Variants in IMPA2 observed in about 807,000 individuals in gnomAD.
IMPA2 encodes the protein IMP 2.
In IMPA2, 32 loss-of-function variants were observed where a neutral mutation model predicts 35.1. The observed-to-expected ratio is 0.91, with a 90% confidence interval of 0.69 to 1.23. IMPA2 has a LOEUF of 1.23. Ranked by LOEUF, IMPA2 falls within the 50% of genes most tolerant of loss-of-function variation. IMPA2 has a pLI of 0.00. For synonymous variants in IMPA2, 135 were observed against 160.6 expected, an observed-to-expected ratio of 0.84 and a Z score of 1.20; for missense variants, 334 against 387.6, an observed-to-expected ratio of 0.86 and a Z score of 1.16.
intron 2 of IMPA2, among the ~76,000 whole-genome samples, chr18:12,002,195 T>A (rs1376862853): frequency 6.6e-6 from 1 of 152,212 alleles, no homozygotes. Context: ...GACATTGTGA[T>A]TTTTTTCTGC....
chr18:11,989,212 G>A (rs938935795), intron 1 of IMPA2, among the ~76,000 whole-genome samples: 6 of 152,162 alleles, frequency 3.9e-5, no homozygotes, highest in Non-Finnish European at 1.5e-5. Flanking sequence ...CCTCACAAAT[G>A]CCAGTTTGTG....
At chr18:12,008,149 C>T (rs996034941) in intron 2 of IMPA2, among the ~76,000 whole-genome samples, 1 of 152,122 alleles carries the variant, frequency 6.6e-6, no homozygotes, top group East Asian at 1.9e-4. Flanking sequence ...GCGCCCACCA[C>T]CACGCCCAGC....
At chr18:12,003,679 A>G (rs990599962) in intron 2 of IMPA2, among the ~76,000 whole-genome samples, 1 of 151,418 alleles carries the variant, frequency 6.6e-6, no homozygotes, top group African/African-American at 2.4e-5. Flanking sequence ...AGGAAAAAAA[A>G]AAAAAAAGGC....
chr18:11,994,066 A>C (rs1906888948), intron 1 of IMPA2: 1 of 152,228 alleles, frequency 6.6e-6, no homozygotes, highest in Admixed American at 6.5e-5. Context: ...AAAGCAGAAA[A>C]CAGTTAATAT....
At chr18:12,016,165 T>A (rs554729803) in intron 5 of IMPA2, among the ~76,000 whole-genome samples, 1 of 152,324 alleles carries the variant, frequency 6.6e-6, no homozygotes, top group East Asian at 1.9e-4. Flanking sequence ...CTCTCATTTG[T>A]CTGGTATTCT....
chr18:12,028,581 A>G (rs613993), intron 6 of IMPA2: 195,951 of 508,764 alleles, frequency 0.39, 41,796 homozygotes, highest in East Asian at 0.74. Flanking sequence ...GGAGGATTCA[A>G]TTCTCTGGTT....
chr18:12,027,097 C>T (rs1193289496), intron 5 of IMPA2, among the ~76,000 whole-genome samples: 1 of 152,158 alleles, frequency 6.6e-6, no homozygotes, highest in Non-Finnish European at 1.5e-5. Context: ...GATTTGTTTC[C>T]CCCGACTTTG....
At chr18:12,026,138 G>A (rs768270458) in intron 5 of IMPA2, among the ~76,000 whole-genome samples, 3 of 150,734 alleles carry the variant, frequency 2.0e-5, no homozygotes, top group East Asian at 2.0e-4. Context: ...GGGTTCAAGC[G>A]ATTCTCCTGC....
intron 1 of IMPA2, among the ~76,000 whole-genome samples, chr18:11,994,545 C>G (rs1455386597): frequency 6.6e-6 from 1 of 152,232 alleles, no homozygotes; most frequent in Non-Finnish European, 1.5e-5. Flanking sequence ...TCCACACACA[C>G]AGCTGTGTAT....
At position 11,989,268 on chromosome 18, in the gene IMPA2, G is replaced by T. The variant is rs146544894; in HGVS notation, c.96+7503G>T. On this transcript the variant is annotated intron_variant, in intron 1 of 7. Transcript: ENST00000269159. Reference sequence around the variant, plus strand: ...TCATTTCTCCAGAAAAGGCTTCCCTGCTCTTCCTGCCTGGGCTGAGCGCAC... The same window carrying T: ...TCATTTCTCCAGAAAAGGCTTCCCTTCTCTTCCTGCCTGGGCTGAGCGCAC... 2.7e-3 allele frequency among the ~76,000 whole-genome samples: 418 copies of T among 152,218 alleles called. 1 individual carries two copies. Among genetic ancestry groups the T allele is most frequent in the African/African-American group, 9.8e-3 (407 of 41,540 alleles).
At position 12,027,640 on chromosome 18, in the gene IMPA2, A is replaced by G. The variant is rs577531115; in HGVS notation, c.491-403A>G. 2.3e-4 allele frequency among the ~76,000 whole-genome samples: 34 copies of G among 145,786 alleles called. No individual in the cohort carries two copies. In the East Asian group the frequency reaches 6.3e-3, roughly 27 times the overall value. ...CTCCAGGCTGGAATGTGGTGGCGCAATCATGGCTGACAGCAGCCTTGAACC... is the reference window on the plus strand; with the variant it reads ...CTCCAGGCTGGAATGTGGTGGCGCAGTCATGGCTGACAGCAGCCTTGAACC... On this transcript the variant is annotated intron_variant, in intron 5 of 7. Transcript: ENST00000269159.
At chr18:12,013,468 G>A (rs909562746) in intron 4 of IMPA2, among the ~76,000 whole-genome samples, 1 of 152,186 alleles carries the variant, frequency 6.6e-6, no homozygotes, top group Non-Finnish European at 1.5e-5. Flanking sequence ...ACTCTAGGGT[G>A]TTTGTGCTCA....
intron 1 of IMPA2, among the ~76,000 whole-genome samples, chr18:11,987,755 TAGG>T (rs2143775221): frequency 6.6e-6 from 1 of 151,842 alleles, no homozygotes; most frequent in Non-Finnish European, 1.5e-5. Flanking sequence ...TTATTAATAG[TAGG>T]AGTAGAATCG....
intron 1 of IMPA2, chr18:11,994,191 T>G (rs577196921): frequency 6.6e-6 from 1 of 152,090 alleles, no homozygotes; most frequent in South Asian, 2.1e-4. Context: ...CTTGGCAATA[T>G]TGTGAGACCT....
chr18:11,993,197 A>C (rs1046383502), intron 1 of IMPA2, among the ~76,000 whole-genome samples: 1 of 152,220 alleles, frequency 6.6e-6, no homozygotes, highest in African/African-American at 2.4e-5. Context: ...CAGAAGAGGA[A>C]ATGAAGGCCA....
intron 1 of IMPA2, among the ~76,000 whole-genome samples, chr18:11,984,359 G>A (rs1385376051): frequency 2.0e-5 from 3 of 152,242 alleles, no homozygotes; most frequent in Non-Finnish European, 4.4e-5. Flanking sequence ...GGCTTTTGGG[G>A]AGGGAGTGAC....
Position 11,991,894 on chromosome 18 carries a change from A to G in IMPA2, c.97-7160A>G, listed in dbSNP as rs1328167239. Reference sequence around the variant, plus strand: ...AGCCTTGCTCTGTCTCCCAGGATGGAGTGCAGTGGCGTAATCTTGGCTCAC... The same window carrying G: ...AGCCTTGCTCTGTCTCCCAGGATGGGGTGCAGTGGCGTAATCTTGGCTCAC... On this transcript the variant is annotated intron_variant, in intron 1 of 7. Coordinates refer to ENST00000269159, the MANE Select transcript of IMPA2 (RefSeq NM_014214.3). The surrounding 1 kb of genome is among the most constrained non-coding windows in gnomAD (Gnocchi z 4.1). Among the ~76,000 whole-genome samples, 1 of 148,960 alleles carries G rather than the reference A, an allele frequency of 6.7e-6. No homozygotes were observed. Among genetic ancestry groups the G allele is most frequent in the East Asian group, 2.0e-4 (1 of 5,020 alleles).
At position 11,991,133 on chromosome 18, in the gene IMPA2, G is replaced by A. The variant is rs635013; in HGVS notation, c.97-7921G>A. On this transcript the variant is annotated intron_variant, in intron 1 of 7. Coordinates refer to ENST00000269159, the MANE Select transcript of IMPA2 (RefSeq NM_014214.3). This position sits in a 1 kb window ranked among gnomAD's most constrained non-coding sequence, Gnocchi z 4.1. ...GTGGGAGGGAGATGAGCCGCAGAATGGTGGGGAGATAGGAGGAAAGCCACG... is the reference window on the plus strand; with the variant it reads ...GTGGGAGGGAGATGAGCCGCAGAATAGTGGGGAGATAGGAGGAAAGCCACG... Among the ~76,000 whole-genome samples, 7,355 of 152,212 alleles carry A rather than the reference G, an allele frequency of 0.048. 590 individuals are homozygous for A. Among genetic ancestry groups the A allele is most frequent in the African/African-American group, 0.17 (6,938 of 41,492 alleles).
intron 2 of IMPA2, among the ~76,000 whole-genome samples, chr18:12,004,852 C>T (rs1270717206): frequency 2.0e-5 from 3 of 152,126 alleles, no homozygotes; most frequent in Admixed American, 6.6e-5. Context: ...GTAGATGTTC[C>T]AGTGGCTTTT....
Sources: gnomAD v4.1 joint callset for allele counts (sites outside exome capture counted in the v4.1 genomes callset) on GRCh38, gnomAD v4.1.1 for gene constraint, Gnocchi (gnomAD v3.1) non-coding constraint, MANE v1.5 for transcripts, NCBI Gene and HGNC (gene_info 2026-07-23, HGNC 2026-07-21) for gene names.